RNF17: variants seen among roughly 807,000 people sequenced by gnomAD.
RNF17 encodes the protein ring finger protein 17, also known as spermatogenesis associated 23.
A neutral mutation model predicts 200.5 loss-of-function variants in RNF17; 31 were observed. The observed-to-expected ratio is 0.15, with a 90% CI of 0.12 to 0.21. The LOEUF is 0.21. RNF17 is among the 10% of genes least tolerant of loss of function. The probability of loss-of-function intolerance (pLI) is 1.00; values close to 1 mark genes in which losing one functional copy is unlikely to be tolerated. For missense variants in RNF17, 1,628 were observed against 1,905.1 expected, an observed-to-expected ratio of 0.85 and a Z score of 2.71; for synonymous variants, 606 against 637.8, an observed-to-expected ratio of 0.95 and a Z score of 0.75.
At chr13:24,865,129 C>T (rs565299382) in intron 29 of RNF17, 131 bp downstream of exon 29, 1 of 625,900 alleles carries the variant, frequency 1.6e-6, no homozygotes, top group South Asian at 2.3e-5. Context: ...AGAGGACTTA[C>T]ACATTTTTGC....
chr13:24,872,886 A>AAGTTTTAAG (rs768672800), intron 32 of RNF17, among the ~76,000 whole-genome samples: 1 of 151,996 alleles, frequency 6.6e-6, no homozygotes. Context: ...GGGGACAGCC[A>AAGTTTTAAG]TGAACTAAAT....
chr13:24,879,160 C>T (rs749463354), intron 34 of RNF17, 27 bp from the exon 35 acceptor site: 4 of 1,558,248 alleles, frequency 2.6e-6, no homozygotes, highest in South Asian at 2.2e-5. Context: ...TTACTGTTTT[C>T]TTGACAACTG....
downstream of RNF17, chr13:24,880,011 A>C (rs1192610557): frequency 1.3e-5 from 2 of 152,226 alleles, no homozygotes; most frequent in African/African-American, 2.4e-5. Flanking sequence ...CTAATGATTC[A>C]ACTTAAGACA....
rs376340662 is a variant in RNF17, at chr13:24,768,549, G to T, written c.225+1183G>T. ...TCCGCCCACCTCGGCCTCCCAAAGT[G>T]CTGGGATTACAGGCATGAGCCACCG... On this transcript the variant is annotated intron_variant, in intron 2 of 35. Coordinates refer to ENST00000255324, the MANE Select transcript of RNF17 (RefSeq NM_031277.3). Among the ~76,000 whole-genome samples, 695 of 152,226 alleles carry T rather than the reference G, an allele frequency of 4.6e-3. 4 individuals carry two copies. The highest frequency in any genetic ancestry group is 0.016 in the African/African-American group (667 of 41,536).
chr13:24,841,861 G>A (rs547158436), intron 18 of RNF17, among the ~76,000 whole-genome samples, 180 bp from the exon 19 acceptor site: 2 of 152,206 alleles, frequency 1.3e-5, no homozygotes, highest in Non-Finnish European at 2.9e-5. Flanking sequence ...AGCTACTCGG[G>A]AGGCTCAGGC....
upstream of RNF17, among the ~76,000 whole-genome samples, chr13:24,759,943 C>G (rs889350719): frequency 1.3e-5 from 2 of 151,966 alleles, no homozygotes; most frequent in African/African-American, 4.8e-5. Context: ...GAGTTCGAGA[C>G]CAGCCTGGCC....
At chr13:24,886,114 A>C in the RNF17 span, 1 of 400,192 alleles carries the variant, frequency 2.5e-6, no homozygotes, top group South Asian at 1.9e-5. Flanking sequence ...AGCAACATAT[A>C]CATTACAAAA....
upstream of RNF17, among the ~76,000 whole-genome samples, chr13:24,761,040 A>T (rs972828367): frequency 2.6e-5 from 4 of 152,222 alleles, no homozygotes; most frequent in Non-Finnish European, 4.4e-5. Flanking sequence ...AAATTAGTAC[A>T]GCCATTATGG....
intron 8 of RNF17, 45 bp downstream of exon 8, chr13:24,789,469 T>G: frequency 7.6e-7 from 1 of 1,323,428 alleles, no homozygotes; most frequent in Non-Finnish European, 1.1e-6. Flanking sequence ...TATAAAGATG[T>G]GCTGGAACTT....
chr13:24,806,317 T>C (rs1173800654), intron 15 of RNF17, among the ~76,000 whole-genome samples: 1 of 152,250 alleles, frequency 6.6e-6, no homozygotes, highest in African/African-American at 2.4e-5. Context: ...AGTGCTGCAA[T>C]AAACATACGT....
At chr13:24,820,175 G>A (rs933269350) in intron 15 of RNF17, among the ~76,000 whole-genome samples, 6 of 147,390 alleles carry the variant, frequency 4.1e-5, no homozygotes, top group Admixed American at 1.4e-4. Context: ...CAGGCTGGAG[G>A]CAGTGGCACG....
At chr13:24,784,593 T>C (rs574856318) in intron 6 of RNF17, among the ~76,000 whole-genome samples, 13 of 152,340 alleles carry the variant, frequency 8.5e-5, no homozygotes, top group Non-Finnish European at 1.6e-4. Context: ...GAAATTTGTC[T>C]GTTTCACCTA....
At chr13:24,863,857 A>C (rs1893355741) in intron 28 of RNF17, among the ~76,000 whole-genome samples, 1 of 152,234 alleles carries the variant, frequency 6.6e-6, no homozygotes. Flanking sequence ...CCCAGCCGAC[A>C]GCAGGCCTTG....
chr13:24,813,847 A>G (rs1361483029), intron 15 of RNF17, among the ~76,000 whole-genome samples: 1 of 91,450 alleles, frequency 1.1e-5, no homozygotes, highest in Admixed American at 1.7e-4. Context: ...TTTTTTTTAG[A>G]GACAGGTTCT....
downstream of RNF17, among the ~76,000 whole-genome samples, chr13:24,882,086 CTATATATA>C (rs202181936): frequency 3.5e-4 from 2 of 5,690 alleles, no homozygotes; most frequent in South Asian, 5.0e-3. Flanking sequence ...ATAGATACAT[CTATATATA>C]TAGATACATC....
the RNF17 span, among the ~76,000 whole-genome samples, chr13:24,749,864 C>T: frequency 6.6e-6 from 1 of 152,156 alleles, no homozygotes; most frequent in African/African-American, 2.4e-5. Flanking sequence ...ATTCTTGTGC[C>T]TCAGGCTCCC....
chr13:24,835,371 CAA>C (rs569003238), intron 18 of RNF17, among the ~76,000 whole-genome samples: 239 of 152,274 alleles, frequency 1.6e-3, no homozygotes, highest in African/African-American at 5.6e-3. Context: ...CCAACTGGCA[CAA>C]AAATAGAGCA....
chr13:24,864,551 CT>C (rs1209298600), intron 28 of RNF17, among the ~76,000 whole-genome samples: 1 of 152,054 alleles, frequency 6.6e-6, no homozygotes, highest in Non-Finnish European at 1.5e-5. Flanking sequence ...CCTTTTCTTT[CT>C]CTTTGTACGT....
intron 18 of RNF17, 99 bp downstream of exon 18, chr13:24,832,077 G>T: frequency 1.2e-6 from 1 of 803,228 alleles, no homozygotes; most frequent in Middle Eastern, 4.1e-4. Flanking sequence ...TGTGCCATCA[G>T]TAGTGGTGGT....
Sources: allele counts gnomAD v4.1 joint callset (sites outside exome capture counted in the v4.1 genomes callset), GRCh38; gene constraint gnomAD v4.1.1; transcripts MANE v1.5; gene names NCBI Gene and HGNC (gene_info 2026-07-23, HGNC 2026-07-21).